ZNF75D: variants seen among roughly 807,000 people sequenced by gnomAD.
ZNF75D encodes zinc finger protein 75.
Under a neutral mutation model 33.3 loss-of-function variants are expected in ZNF75D, and 33 were observed. That is an observed-to-expected ratio of 0.99 (90% CI 0.75 to 1.32). The LOEUF (loss-of-function observed/expected upper bound fraction) is 1.32, where lower values mean the gene tolerates loss of function less well. Ranked by LOEUF, ZNF75D falls within the 40% of genes most tolerant of loss-of-function variation. The pLI is 0.00. For missense variants in ZNF75D, 338 were observed against 367.5 expected, an observed-to-expected ratio of 0.92 and a Z score of 0.66; for synonymous variants, 113 against 130.6, an observed-to-expected ratio of 0.87 and a Z score of 0.92.
Position 135,286,160 on chromosome X carries a change from G to C in ZNF75D, c.*977C>G, listed in dbSNP as rs1298432444. 8.9e-6 allele frequency: 1 copy of C among 111,872 alleles called. No homozygotes were observed. The highest frequency in any genetic ancestry group is 3.3e-5 in the African/African-American group (1 of 30,713). 9.2% of individuals were successfully genotyped at this position (111,872 alleles called of 1,213,427 possible). ...TGCACCAAAGCTAAAAGTTCACAAG[G>C]CTCTCCTTGCCATTCTCAATAAATC... On this transcript the variant is annotated 3_prime_UTR_variant, in exon 7 of 7. Coordinates refer to ENST00000370766, the MANE Select transcript of ZNF75D (RefSeq NM_007131.5).
At chrX:135,280,712 G>C (rs1298534853) in intron 1 of ZNF75D, among the ~76,000 whole-genome samples, 3 of 111,652 alleles carry the variant, frequency 2.7e-5, no homozygotes, top group Non-Finnish European at 3.8e-5. Context: ...GCATTTGCTT[G>C]TCTGTAAAGG....
chrX:135,275,491 T>C (rs1330874565), intron 1 of ZNF75D, among the ~76,000 whole-genome samples: 1 of 111,462 alleles, frequency 9.0e-6, no homozygotes, highest in Non-Finnish European at 1.9e-5. Context: ...TGTGGTTTTT[T>C]TGGGTCCCTG....
chrX:135,338,326 C>T (rs1394913959), intron 1 of ZNF75D, among the ~76,000 whole-genome samples: 2 of 111,534 alleles, frequency 1.8e-5, no homozygotes, highest in Non-Finnish European at 3.8e-5. Flanking sequence ...CACTGTATAC[C>T]TGAGGGGGTG....
At position 135,291,153 on chromosome X, in the gene ZNF75D, C is replaced by A. The variant is rs2084033232; in HGVS notation, c.697-18G>T. 8.3e-7 allele frequency: 1 copy of A among 1,209,553 alleles called. No individual in the cohort carries two copies. The highest frequency in any genetic ancestry group is 2.2e-5 in the Admixed American group (1 of 45,858). ...AACAAACTCTAAAGAAGAGAATGGG[C>A]TATAGTTTAGTACTTGCCACTTCAG... is the stretch of plus-strand genomic sequence containing the variant. On this transcript the variant is annotated intron_variant, in intron 5 of 6. Transcript: ENST00000370766.
chrX:135,290,329 G>A (rs1269625936), intron 6 of ZNF75D, among the ~76,000 whole-genome samples: 1 of 111,629 alleles, frequency 9.0e-6, no homozygotes, highest in Non-Finnish European at 1.9e-5. Flanking sequence ...TGTAAGTTGT[G>A]GAACTCATTT....
chrX:135,272,169 T>C (rs1161644621), intron 1 of ZNF75D, among the ~76,000 whole-genome samples: 1 of 107,413 alleles, frequency 9.3e-6, no homozygotes, highest in African/African-American at 3.4e-5. Context: ...ACTAGCCACA[T>C]TCTGACCTGC....
chrX:135,274,480 T>A (rs1556417355), intron 1 of ZNF75D, among the ~76,000 whole-genome samples: 4 of 111,840 alleles, frequency 3.6e-5, no homozygotes, highest in Non-Finnish European at 7.5e-5. Flanking sequence ...CCTTTTTTTA[T>A]GAAAAATGAG....
intron 1 of ZNF75D, among the ~76,000 whole-genome samples, chrX:135,261,890 A>G (rs1016804557): frequency 8.9e-6 from 1 of 111,887 alleles, no homozygotes; most frequent in Non-Finnish European, 1.9e-5. Flanking sequence ...TCTTCATAGC[A>G]TCGATGGTCT....
chrX:135,326,844 G>A (rs1419069045), intron 1 of ZNF75D, among the ~76,000 whole-genome samples: 1 of 111,365 alleles, frequency 9.0e-6, no homozygotes, highest in African/African-American at 3.3e-5. Context: ...CCAGAAGGAA[G>A]AGACTCCGAA....
chrX:135,292,593 A>G (rs2084060876), intron 3 of ZNF75D, 120 bp from the exon 4 acceptor site: 2 of 551,545 alleles, frequency 3.6e-6, no homozygotes, highest in Non-Finnish European at 5.7e-6. Context: ...AGAAGTAATA[A>G]AAAGAATGAA....
At chrX:135,300,250 T>C (rs1363763244) in intron 1 of ZNF75D, among the ~76,000 whole-genome samples, 2 of 111,739 alleles carry the variant, frequency 1.8e-5, no homozygotes, top group Non-Finnish European at 3.8e-5. Context: ...AAGTTGGCCC[T>C]TTCTTATACA....
chrX:135,319,063 T>G (rs1556433078), intron 1 of ZNF75D, among the ~76,000 whole-genome samples: 1 of 111,294 alleles, frequency 9.0e-6, no homozygotes, highest in African/African-American at 3.3e-5. Flanking sequence ...CCATGGCCAT[T>G]GCTACTTGGT....
chrX:135,326,153 T>C (rs1293677156), intron 1 of ZNF75D, among the ~76,000 whole-genome samples: 1 of 110,502 alleles, frequency 9.0e-6, no homozygotes, highest in Admixed American at 9.5e-5. Context: ...ACCCTGTGTC[T>C]AGCTCAGGGT....
chrX:135,339,820 A>T (rs1380828978), intron 1 of ZNF75D, among the ~76,000 whole-genome samples: 2 of 111,692 alleles, frequency 1.8e-5, no homozygotes, highest in Non-Finnish European at 3.8e-5. Context: ...ATCAGCATCT[A>T]TATCTCTCCG....
At chrX:135,307,164 T>C (rs1459882198) in intron 1 of ZNF75D, among the ~76,000 whole-genome samples, 1 of 111,881 alleles carries the variant, frequency 8.9e-6, no homozygotes, top group African/African-American at 3.2e-5. Flanking sequence ...AAATACTGAA[T>C]ACCAATAAGT....
At chrX:135,336,604 C>T (rs2084715075) in intron 1 of ZNF75D, among the ~76,000 whole-genome samples, 1 of 112,241 alleles carries the variant, frequency 8.9e-6, no homozygotes. Context: ...CCCAGGCAGC[C>T]ATCCTCTTAC....
chrX:135,328,170 T>C (rs1441862122), intron 1 of ZNF75D, among the ~76,000 whole-genome samples: 1 of 111,370 alleles, frequency 9.0e-6, no homozygotes, highest in East Asian at 2.8e-4. Context: ...GATGTGGCTT[T>C]TGTCCACACT....
At chrX:135,249,153 C>G (rs1224689121) in exon 4 of ZNF75D, 3 of 323,148 alleles carry the variant, frequency 9.3e-6, no homozygotes, top group African/African-American at 8.0e-5. Context: ...CGCTCAGCAC[C>G]GATTTAGAGG....
At chrX:135,305,858 G>C (rs12847687) in intron 1 of ZNF75D, among the ~76,000 whole-genome samples, 1 of 111,683 alleles carries the variant, frequency 9.0e-6, no homozygotes, top group Admixed American at 9.5e-5. Context: ...GAGAAGTTAA[G>C]AAACCATGTG....
Sources: gnomAD v4.1 joint callset for allele counts (sites outside exome capture counted in the v4.1 genomes callset) on GRCh38, gnomAD v4.1.1 for gene constraint, MANE v1.5 for transcripts, NCBI Gene and HGNC (gene_info 2026-07-23, HGNC 2026-07-21) for gene names.